Variants in TPD52 observed in about 807,000 individuals in gnomAD.
The protein encoded by TPD52 is tumor protein D52.
TPD52 carries 17 observed loss-of-function variants against 31.3 expected under a neutral mutation model. The observed-to-expected ratio is 0.54, with a 90% CI of 0.37 to 0.82. TPD52 has a LOEUF of 0.82. TPD52 is among the 40% of genes least tolerant of loss of function. The pLI is 0.00. For synonymous variants in TPD52, 83 were observed against 89.6 expected (o/e 0.93, Z 0.42); for missense variants, 212 against 240.1 (o/e 0.88, Z 0.77).
intron 2 of TPD52, among the ~76,000 whole-genome samples, chr8:80,058,641 T>C (rs1812161437): frequency 6.6e-6 from 1 of 151,878 alleles, no homozygotes; most frequent in Non-Finnish European, 1.5e-5. Flanking sequence ...CTGCTAAAAA[T>C]ACAGAAATTA....
chr8:80,050,477 A>C lies in TPD52; in HGVS notation c.387-6T>G. 6.2e-7 allele frequency: 1 copy of C among 1,604,876 alleles called. No individual in the cohort carries two copies. Among genetic ancestry groups the C allele is most frequent in the Non-Finnish European group, 8.5e-7 (1 of 1,175,810 alleles). On this transcript the variant is annotated splice_polypyrimidine_tract_variant and splice_region_variant and intron_variant, in intron 4 of 7. Transcript: ENST00000518937. ...AATGTGAAAAGGCTTGCAATCTGTA[A>C]GAAGCCAGAGTAAGCATTAAAAAAG...
At chr8:80,061,403 C>CA (rs1812536737) in intron 2 of TPD52, among the ~76,000 whole-genome samples, 1 of 98,366 alleles carries the variant, frequency 1.0e-5, no homozygotes, top group South Asian at 3.4e-4. Context: ...AAAGAATCCA[C>CA]AAAAAAATCT....
At chr8:80,117,524 G>A (rs1198117252) in intron 1 of TPD52, among the ~76,000 whole-genome samples, 2 of 152,110 alleles carry the variant, frequency 1.3e-5, no homozygotes, top group African/African-American at 4.8e-5. Context: ...ATATTCATGG[G>A]TCTGAAGACT....
intron 1 of TPD52, among the ~76,000 whole-genome samples, chr8:80,108,396 G>A (rs1312995763): frequency 2.0e-5 from 3 of 152,118 alleles, no homozygotes; most frequent in African/African-American, 7.2e-5. Context: ...TTAAAATGTT[G>A]TATGTCACAG....
At chr8:80,033,988 C>T (rs1452323047), downstream of TPD52, among the ~76,000 whole-genome samples, 1 of 152,106 alleles carries the variant, frequency 6.6e-6, no homozygotes, top group Non-Finnish European at 1.5e-5. Context: ...GGACCCACCC[C>T]TTCCCTCCTA....
Position 80,104,621 on chromosome 8 carries a change from T to C in TPD52, c.20-40028A>G, listed in dbSNP as rs1165871389. ...AAATGAGAAGTATTTTTTACTGGCA[T>C]GTAGAGGTTTCTAACCTCTCGTCTA... On this transcript the variant is annotated intron_variant, in intron 1 of 7. Transcript: ENST00000518937. Among the ~76,000 whole-genome samples the C allele has an allele frequency of 2.7e-5, 4 of 148,812 alleles. No individual in the cohort carries two copies. The South Asian group carries it at 6.3e-4, about 23-fold the overall frequency.
chr8:80,095,225 C>A (rs1458404393), intron 1 of TPD52, among the ~76,000 whole-genome samples: 2 of 152,048 alleles, frequency 1.3e-5, no homozygotes, highest in Non-Finnish European at 2.9e-5. Flanking sequence ...TGAAAAAACA[C>A]AAAGAAACTT....
At chr8:80,112,863 C>T (rs556826390) in intron 1 of TPD52, among the ~76,000 whole-genome samples, 7 of 152,148 alleles carry the variant, frequency 4.6e-5, no homozygotes, top group East Asian at 1.9e-4. Context: ...TTCAGATTTC[C>T]GATTTTTTCA....
At chr8:80,097,348 C>T (rs1806409324) in intron 1 of TPD52, among the ~76,000 whole-genome samples, 1 of 152,166 alleles carries the variant, frequency 6.6e-6, no homozygotes, top group African/African-American at 2.4e-5. Context: ...GCAAACTATC[C>T]AAAAGATCTA....
At chr8:80,034,043 A>G (rs1304666706), downstream of TPD52, among the ~76,000 whole-genome samples, 1 of 151,906 alleles carries the variant, frequency 6.6e-6, no homozygotes, top group Non-Finnish European at 1.5e-5. Context: ...CAGAGCACCC[A>G]GGCTGTCCAC....
intron 1 of TPD52, among the ~76,000 whole-genome samples, chr8:80,113,423 T>C (rs1413674662): frequency 1.3e-5 from 2 of 152,194 alleles, no homozygotes; most frequent in Non-Finnish European, 2.9e-5. Context: ...CTACCAACCC[T>C]ACTACTATTT....
At chr8:80,083,059 T>C (rs1422872114) in intron 1 of TPD52, among the ~76,000 whole-genome samples, 4 of 152,072 alleles carry the variant, frequency 2.6e-5, no homozygotes, top group African/African-American at 9.7e-5. Flanking sequence ...GATGGGTTAA[T>C]GGAATGGCAA....
chr8:80,084,618 A>G (rs980246076), intron 1 of TPD52, among the ~76,000 whole-genome samples: 4 of 152,138 alleles, frequency 2.6e-5, no homozygotes, highest in African/African-American at 9.7e-5. Context: ...AAACAAACAC[A>G]ATTTTGTTCT....
intron 1 of TPD52, among the ~76,000 whole-genome samples, chr8:80,089,136 T>C (rs1056983060): frequency 6.6e-6 from 1 of 152,240 alleles, no homozygotes; most frequent in Non-Finnish European, 1.5e-5. Context: ...GGTATTGTTA[T>C]TGCGGCCCAA....
At chr8:80,041,945 CG>C (rs1254862729) in intron 7 of TPD52, among the ~76,000 whole-genome samples, 3 of 151,906 alleles carry the variant, frequency 2.0e-5, no homozygotes, top group Admixed American at 2.0e-4. Context: ...AAAAATTAGC[CG>C]GGTGTGGTGG....
intron 1 of TPD52, among the ~76,000 whole-genome samples, chr8:80,143,033 G>T (rs1809946432): frequency 6.6e-6 from 1 of 152,164 alleles, no homozygotes; most frequent in Non-Finnish European, 1.5e-5. Context: ...CACAAAGCAT[G>T]AACTTGGGAA....
intron 1 of TPD52, among the ~76,000 whole-genome samples, chr8:80,138,640 T>G (rs891780907): frequency 6.6e-6 from 1 of 152,210 alleles, no homozygotes; most frequent in African/African-American, 2.4e-5. Flanking sequence ...CTCTCAAATG[T>G]TGTAACCAGA....
At chr8:80,050,394 AC>A in intron 5 of TPD52, 50 bp downstream of exon 5, 1 of 1,562,694 alleles carries the variant, frequency 6.4e-7, no homozygotes, top group Non-Finnish European at 8.7e-7. Context: ...ATCTCAGCAC[AC>A]TTTTCTTATA....
intron 1 of TPD52, among the ~76,000 whole-genome samples, chr8:80,130,231 C>CA (rs1808928338): frequency 6.6e-6 from 1 of 152,128 alleles, no homozygotes; most frequent in Non-Finnish European, 1.5e-5. Context: ...CAGACACAGA[C>CA]AAAATCACAG....
Sources: allele counts gnomAD v4.1 joint callset (sites outside exome capture counted in the v4.1 genomes callset), GRCh38; gene constraint gnomAD v4.1.1; transcripts MANE v1.5; gene names NCBI Gene and HGNC (gene_info 2026-07-23, HGNC 2026-07-21).